Variants in KTN1 observed in about 807,000 individuals in gnomAD.
The protein encoded by KTN1 is kinectin.
Under a neutral mutation model 222.5 loss-of-function variants are expected in KTN1, and 130 were observed. The ratio of observed to expected loss-of-function variants is 0.58; its 90% CI spans 0.51 to 0.68. The LOEUF (loss-of-function observed/expected upper bound fraction) is 0.68. KTN1 is among the 30% of genes least tolerant of loss of function. The pLI is 0.00. For missense variants in KTN1, 1,508 were observed against 1,500.4 expected (o/e 1.01, Z -0.08); for synonymous variants, 512 against 496.3 (o/e 1.03, Z -0.42).
At chr14:55,671,253 T>A (rs1595267525) in intron 35 of KTN1, 1 of 307,162 alleles carries the variant, frequency 3.3e-6, no homozygotes, top group East Asian at 6.0e-5. Context: ...TCAAGTGGCA[T>A]GAATAAAATC....
chr14:55,600,012 C>G (rs952378975), intron 1 of KTN1, among the ~76,000 whole-genome samples: 1 of 151,672 alleles, frequency 6.6e-6, no homozygotes, highest in African/African-American at 2.4e-5. Context: ...ATTAAAAATT[C>G]TTATTTACAT....
At chr14:55,669,992 A>G (rs1034294666) in intron 34 of KTN1, among the ~76,000 whole-genome samples, 2 of 152,030 alleles carry the variant, frequency 1.3e-5, no homozygotes, top group African/African-American at 4.8e-5. Context: ...ACACAGATAC[A>G]CTTTATCAAA....
At chr14:55,629,417 CAAA>C (rs58348373) in intron 6 of KTN1, among the ~76,000 whole-genome samples, 4 of 49,144 alleles carry the variant, frequency 8.1e-5, no homozygotes, top group Non-Finnish European at 8.4e-5. Context: ...GACTCCGTCT[CAAA>C]AAAAAAAAAA....
chr14:55,648,733 A>G, intron 20 of KTN1, 69 bp from the exon 21 acceptor site: 1 of 992,968 alleles, frequency 1.0e-6, no homozygotes, highest in Non-Finnish European at 1.6e-6. Flanking sequence ...TGAGAAACTA[A>G]TGTATTTTGA....
intron 5 of KTN1, among the ~76,000 whole-genome samples, chr14:55,620,349 G>C (rs776218527): frequency 3.3e-5 from 5 of 152,162 alleles, no homozygotes; most frequent in Non-Finnish European, 4.4e-5. Context: ...CTGGAGGATG[G>C]TGGCCCTCTT....
At chr14:55,657,468 T>C (rs79713967) in intron 29 of KTN1, among the ~76,000 whole-genome samples, 9,021 of 151,780 alleles carry the variant, frequency 0.059, 374 homozygotes, top group South Asian at 0.088. Context: ...CTTTTGTTAT[T>C]ATATGAGGTG....
chr14:55,656,112 A>T lies in KTN1; in HGVS notation c.2872A>T (p.Ser958Cys). Residue 958 changes from serine (S) to cysteine (C), a missense_variant, in exon 29 of 44, where the codon AGC becomes TGC. Coordinates refer to ENST00000395314, the MANE Select transcript of KTN1 (RefSeq NM_001079521.2). ...MLKERESDLS[S>C]KTQLLQDVQD... ...AAAAGAGAGGGAGAGTGATCTTTCTAGCAAAACACAGCTGTTACAGGTGAA... is the reference window on the plus strand; with the variant it reads ...AAAAGAGAGGGAGAGTGATCTTTCTTGCAAAACACAGCTGTTACAGGTGAA... 1 of 1,601,028 alleles carries T rather than the reference A, an allele frequency of 6.2e-7. No homozygotes were observed. Among genetic ancestry groups the T allele is most frequent in the South Asian group, 1.1e-5 (1 of 90,686 alleles).
intron 1 of KTN1, among the ~76,000 whole-genome samples, chr14:55,606,951 G>A (rs936157519): frequency 2.0e-5 from 3 of 152,102 alleles, no homozygotes; most frequent in Admixed American, 2.0e-4. Flanking sequence ...ATTTTAAATG[G>A]TTGTGTGATG....
intron 18 of KTN1, among the ~76,000 whole-genome samples, chr14:55,646,501 TTTCCTTTCCTTTCCTTTCCTTTCC>T (rs2042358468): frequency 8.5e-6 from 1 of 117,596 alleles, no homozygotes; most frequent in Non-Finnish European, 1.8e-5. Context: ...TTTCCTTTCC[TTTCCTTTCCTTTCCTTTCCTTTCC>T]TTTCCTTTCC....
chr14:55,666,454 G>A (rs1164236409), intron 33 of KTN1, among the ~76,000 whole-genome samples: 1 of 151,090 alleles, frequency 6.6e-6, no homozygotes, highest in Non-Finnish European at 1.5e-5. Context: ...TAGTTGAAAT[G>A]TTACATTTTT....
In KTN1 at chr14:55,612,004, T is replaced by A; in HGVS notation, c.-30-15T>A. 4.7e-5 allele frequency: 51 copies of A among 1,093,950 alleles called. No homozygotes were observed. The highest frequency in any genetic ancestry group is 5.8e-5 in the Non-Finnish European group (47 of 814,470). The allele number at this position is 1,093,950 out of a possible 1,614,324, so 67.8% of individuals were successfully genotyped here. ...TTCTTTTTTTTTTTTTGTCCCCACC[T>A]TCTTCCCTATTTAGGTTTTATAGGA... On this transcript the variant is annotated splice_polypyrimidine_tract_variant and intron_variant, in intron 1 of 43. Transcript: ENST00000395314.
At chr14:55,610,924 T>TC (rs753199139) in intron 1 of KTN1, among the ~76,000 whole-genome samples, 3 of 152,206 alleles carry the variant, frequency 2.0e-5, no homozygotes, top group South Asian at 2.1e-4. Flanking sequence ...ACTTACTGAG[T>TC]CCATCTAAAA....
intron 41 of KTN1, among the ~76,000 whole-genome samples, chr14:55,676,784 A>G (rs1329098678): frequency 1.3e-5 from 2 of 152,142 alleles, no homozygotes; most frequent in Admixed American, 6.5e-5. Flanking sequence ...TTGATTCTAT[A>G]TGCTTATAGT....
rs567595431 is a variant in KTN1, at chr14:55,651,837, A to G, written c.2566-53A>G. 108 of 1,163,380 alleles carry G rather than the reference A, an allele frequency of 9.3e-5. No individual in the cohort carries two copies. The African/African-American group carries it at 1.5e-3, about 16-fold the overall frequency. The allele number at this position is 1,163,380 out of a possible 1,614,324, so 72.1% of individuals were successfully genotyped here. ...ACATTATAAAGACTTATAAAGCTTAATAAGTTAAATTGAAAGGATTATTAA... is the reference window on the plus strand; with the variant it reads ...ACATTATAAAGACTTATAAAGCTTAGTAAGTTAAATTGAAAGGATTATTAA... On this transcript the variant is annotated intron_variant, in intron 24 of 43. Transcript: ENST00000395314.
At position 55,648,045 on chromosome 14, in the gene KTN1, AGTT is replaced by A; in HGVS notation, c.2229_2231del (p.Leu744del). 1 of 1,509,606 alleles carries A rather than the reference AGTT, an allele frequency of 6.6e-7. No homozygotes were observed. Among genetic ancestry groups the A allele is most frequent in the Non-Finnish European group, 8.9e-7 (1 of 1,124,828 alleles). The allele number at this position is 1,509,606 out of a possible 1,614,324, so 93.5% of individuals were successfully genotyped here. ...TTCAGCATTCAAGAAAAAGATGAGAAGTTAAAGACTGTGGAAGAATTACTTGAA... is the reference window on the plus strand; with the variant it reads ...TTCAGCATTCAAGAAAAAGATGAGAAAAAGACTGTGGAAGAATTACTTGAA... On this transcript the variant is annotated inframe_deletion, in exon 20 of 44. Coordinates refer to ENST00000395314, the MANE Select transcript of KTN1 (RefSeq NM_001079521.2).
Position 55,637,249 on chromosome 14 carries a change from G to A in KTN1, c.1601G>A (p.Ser534Asn), listed in dbSNP as rs2041236853. 1 of 1,610,986 alleles carries A rather than the reference G, an allele frequency of 6.2e-7. No homozygotes were observed. The highest frequency in any genetic ancestry group is 1.1e-5 in the South Asian group (1 of 90,708). ...GAAAATGAAGTACAGAGTCTGCATA[G>A]TAAGCTTACAGATACCTTGGTATCA... ...AKENEVQSLHSKLTDTLVSKQ... is the reference protein window; with the variant it reads ...AKENEVQSLHNKLTDTLVSKQ... Residue 534 changes from serine (S) to asparagine (N), a missense_variant, in exon 11 of 44, where the codon AGT becomes AAT. Transcript: ENST00000395314.
In KTN1 at chr14:55,627,940, T is replaced by TAATA; in HGVS notation, c.993_994insATAA (p.His332IlefsTer26). The stretch of plus-strand genomic sequence containing the variant: ...AGTAAGGGAGAATTGACTACGCTTA[T>TAATA]ACATCAGCTTCAAGAAAAGGACAAG... On this transcript the variant is annotated frameshift_variant, in exon 6 of 44. Coordinates refer to ENST00000395314, the MANE Select transcript of KTN1 (RefSeq NM_001079521.2). LOFTEE classifies it high-confidence loss of function. 1 of 1,612,760 alleles carries TAATA rather than the reference T, an allele frequency of 6.2e-7. No individual in the cohort carries two copies. The highest frequency in any genetic ancestry group is 8.5e-7 in the Non-Finnish European group (1 of 1,178,784).
intron 2 of KTN1, among the ~76,000 whole-genome samples, chr14:55,614,677 A>AT (rs1235325340): frequency 6.6e-6 from 1 of 152,260 alleles, no homozygotes; most frequent in Non-Finnish European, 1.5e-5. Context: ...AGCTACATTC[A>AT]TTCACTCATT....
At chr14:55,649,945 C>T in intron 22 of KTN1, 132 bp downstream of exon 22, 1 of 515,844 alleles carries the variant, frequency 1.9e-6, no homozygotes, top group Non-Finnish European at 3.3e-6. Context: ...TATAATTTTT[C>T]TTAATGGAAT....
Sources: allele counts gnomAD v4.1 joint callset (sites outside exome capture counted in the v4.1 genomes callset), GRCh38; gene constraint gnomAD v4.1.1; transcripts MANE v1.5; gene names NCBI Gene and HGNC (gene_info 2026-07-23, HGNC 2026-07-21).